AHNAK2: variants seen among roughly 807,000 people sequenced by gnomAD.
The protein encoded by AHNAK2 is AHNAK nucleoprotein 2.
Under a neutral mutation model 30.7 loss-of-function variants are expected in AHNAK2, and 18 were observed. The observed-to-expected ratio is 0.59, with a 90% CI of 0.41 to 0.87. AHNAK2 has a LOEUF of 0.87. Among genes scored for constraint, AHNAK2 ranks in the 40% least tolerant of loss-of-function variants. AHNAK2 has a pLI of 0.00. For synonymous variants in AHNAK2, 3,590 were observed against 3,073.8 expected (o/e 1.17, Z -5.56); for missense variants, 8,604 against 7,373.0 (o/e 1.17, Z -6.11).
Position 104,942,855 on chromosome 14 carries a change from A to C in AHNAK2, c.12596T>G (p.Val4199Gly). Residue 4199 changes from valine to glycine, a missense_variant, in exon 7 of 7, where the codon GTG becomes GGG. By Grantham distance (109) the Val-to-Gly change is moderately radical (BLOSUM62 -3). Transcript: ENST00000333244. ...DLEVQAGQVD[V>G]KLPEGPLPKG... ...GGGCAGGGGGCCCTCCGGGAGTTTCACGTCCACTTGGCCAGCCTGGACCTC... is the reference window on the plus strand; with the variant it reads ...GGGCAGGGGGCCCTCCGGGAGTTTCCCGTCCACTTGGCCAGCCTGGACCTC... 1 of 1,612,370 alleles carries C rather than the reference A, an allele frequency of 6.2e-7. No homozygotes were observed. The highest frequency in any genetic ancestry group is 8.5e-7 in the Non-Finnish European group (1 of 1,179,392).
Position 104,949,402 on chromosome 14 carries a change from TG to T in AHNAK2, c.6048del (p.Lys2017ArgfsTer6), listed in dbSNP as rs1898520199. 6.3e-7 allele frequency: 1 copy of T among 1,582,498 alleles called. No homozygotes were observed. Among genetic ancestry groups the T allele is most frequent in the South Asian group, 1.1e-5 (1 of 89,660 alleles). On this transcript the variant is annotated frameshift_variant, in exon 7 of 7. Transcript: ENST00000333244. LOFTEE classifies it low-confidence loss of function (END_TRUNC). Reference sequence around the variant, plus strand: ...GGGAGACTCACGTCGGCCTCCACCTTGGGTGCAGGCACATCCACCGAGGCCT... The same window carrying T: ...GGGAGACTCACGTCGGCCTCCACCTTGGTGCAGGCACATCCACCGAGGCCT... ...SIEASVDVPA[P>X]KVEADVSLPS...
In AHNAK2 at chr14:104,946,449, A is replaced by C; in HGVS notation, c.9002T>G (p.Val3001Gly). The C allele has an allele frequency of 6.2e-7, 1 of 1,612,502 alleles. No homozygotes were observed. The highest frequency in any genetic ancestry group is 8.5e-7 in the Non-Finnish European group (1 of 1,179,548). The change falls in exon 7 of 7, where the codon GTG becomes GGG. Residue 3001 changes from valine to glycine, a missense_variant. Coordinates refer to ENST00000333244, the MANE Select transcript of AHNAK2 (RefSeq NM_138420.4). Reference sequence around the variant, plus strand: ...CTCCACCTTCGGCGCAGACACATCCACCGAGACCTCAATGGACTTGCCTGG... The same window carrying C: ...CTCCACCTTCGGCGCAGACACATCCCCCGAGACCTCAATGGACTTGCCTGG... ...SAPGKSIEVS[V>G]DVSAPKVEAE... is the part of the protein sequence containing the mutation.
chr14:104,954,758 T>A lies in AHNAK2; in HGVS notation c.693A>T (p.Lys231Asn), dbSNP rs1194473396. 2 of 1,598,704 alleles carry A rather than the reference T, an allele frequency of 1.3e-6. No homozygotes were observed. Among genetic ancestry groups the A allele is most frequent in the South Asian group, 2.2e-5 (2 of 89,624 alleles). The part of the protein sequence containing the change: ...VADGCRETPT[K>N]TLEGDGDQER... ...CTTGGTCCCCATCTCCTTCCAGAGT[T>A]TTCGTGGGGGTCTCTCTGCACCCAT... Residue 231 changes from lysine to asparagine, a missense_variant, in exon 7 of 7, where the codon AAA (lysine) becomes AAT (asparagine). By Grantham distance (94) the Lys-to-Asn change is moderately conservative (BLOSUM62 0). Transcript: ENST00000333244. This position sits in a 1 kb window ranked among gnomAD's most constrained non-coding sequence, Gnocchi z 4.3.
rs1191810647 is a variant in AHNAK2 at position 104,939,648 on chromosome 14, A to G, written c.15803T>C (p.Ile5268Thr). 6.2e-7 allele frequency: 1 copy of G among 1,613,888 alleles called. No individual in the cohort carries two copies. The highest frequency in any genetic ancestry group is 8.5e-7 in the Non-Finnish European group (1 of 1,179,892). The change falls in exon 7 of 7, where the codon ATT becomes ACT. Residue 5268 changes from isoleucine (I) to threonine (T), a missense_variant. Physicochemically the swap from Ile to Thr is moderately conservative, Grantham distance 89 (BLOSUM62 -1). Transcript: ENST00000333244. ...TGTGCTGTCAAGATCACACCTTAGA[A>G]TATCTGTGGATGATTTGCTCTCAGA... ...TASESKSSTD[I>T]LRCDLDSTGL... is the part of the protein sequence containing the mutation.
At chr14:104,962,209 A>G (rs1439271722) in intron 1 of AHNAK2, among the ~76,000 whole-genome samples, 1 of 152,204 alleles carries the variant, frequency 6.6e-6, no homozygotes, top group Non-Finnish European at 1.5e-5. Context: ...CAGCCGGTGC[A>G]TGCTGCTCTC....
chr14:104,956,444 GA>G, intron 4 of AHNAK2, 143 bp downstream of exon 4: 1 of 756,154 alleles, frequency 1.3e-6, no homozygotes, highest in South Asian at 1.7e-5. Flanking sequence ...TGACAAGGGG[GA>G]CAAGAACACC....
In AHNAK2 at chr14:104,950,331, C is replaced by A. The variant is rs376413495; in HGVS notation, c.5120G>T (p.Ser1707Ile). The A allele has an allele frequency of 1.9e-6, 3 of 1,585,340 alleles. No individual in the cohort carries two copies. Among genetic ancestry groups the A allele is most frequent in the Non-Finnish European group, 2.6e-6 (3 of 1,162,518 alleles). The change falls in exon 7 of 7, where the codon AGC becomes ATC. Residue 1707 changes from serine to isoleucine, a missense_variant. Physicochemically the swap from Ser to Ile is moderately radical, Grantham distance 142 (BLOSUM62 -2). Coordinates refer to ENST00000333244, the MANE Select transcript of AHNAK2 (RefSeq NM_138420.4). ...CAGGTCGGCGGAAGGGGACTGAATG[C>A]TGAGGTCAGTGGTCTTCAGGTCCCC... ...MQGDLKTTDL[S>I]IQSPSADLEV...
Position 104,944,982 on chromosome 14 carries a change from C to G in AHNAK2, c.10469G>C (p.Arg3490Thr), listed in dbSNP as rs199872023. ...MPSFGVSAPG[R>T]SIEASLDVSA... ...CACATCCAGCGAGGCCTCGATGGAC[C>G]TGCCTGGGGCCGACACCCCGAAGGA... The change falls in exon 7 of 7, where the codon AGG becomes ACG. Residue 3490 changes from arginine (R) to threonine (T), a missense_variant. By Grantham distance (71) the Arg-to-Thr change is moderately conservative. Transcript: ENST00000333244. 37 of 1,611,226 alleles carry G rather than the reference C, an allele frequency of 2.3e-5. No homozygotes were observed. The highest frequency in any genetic ancestry group is 2.9e-5 in the Non-Finnish European group (34 of 1,178,982).
intron 1 of AHNAK2, among the ~76,000 whole-genome samples, chr14:104,969,699 C>T (rs1183230751): frequency 2.0e-5 from 3 of 152,230 alleles, no homozygotes; most frequent in South Asian, 4.1e-4. Flanking sequence ...GGGCCCAGTT[C>T]ATCTCCTTCT....
rs371090614 is a variant in AHNAK2, at chr14:104,951,984, A to G, written c.3467T>C (p.Val1156Ala). 2.8e-5 allele frequency: 45 copies of G among 1,611,960 alleles called. No homozygotes were observed. In the African/African-American group the frequency reaches 4.5e-4, roughly 16 times the overall value. The change falls in exon 7 of 7, where the codon GTG becomes GCG. Residue 1156 changes from valine (V) to alanine (A), a missense_variant. Transcript: ENST00000333244. ...EGELSLADKD[V>A]TAKDSRFKMP... is the part of the protein sequence containing the mutation. ...TTTGAACCTGCTGTCTTTGGCAGTCACATCCTTGTCGGCCAGGGACAGTTC... is the reference window on the plus strand; with the variant it reads ...TTTGAACCTGCTGTCTTTGGCAGTCGCATCCTTGTCGGCCAGGGACAGTTC...
In AHNAK2 at chr14:104,939,935, T is replaced by C. The variant is rs768981332; in HGVS notation, c.15516A>G (p.Thr5172=). 12 of 1,612,314 alleles carry C rather than the reference T, an allele frequency of 7.4e-6. No homozygotes were observed. The highest frequency in any genetic ancestry group is 1.1e-5 in the South Asian group (1 of 91,086). The part of the protein sequence containing the change: ...SCRKPDAEVL[T]VESPEEEAMT... ...TGGCTTCCTCCTCTGGGCTTTCCAC[T>C]GTGAGGACTTCAGCATCTGGTTTTC... Residue 5172 remains threonine, a synonymous_variant, in exon 7 of 7, where the codon ACA becomes ACG. Coordinates refer to ENST00000333244, the MANE Select transcript of AHNAK2 (RefSeq NM_138420.4).
Position 104,939,641 on chromosome 14 carries a change from C to T in AHNAK2, c.15810G>A (p.Arg5270=). The T allele has an allele frequency of 1.2e-6, 2 of 1,613,858 alleles. No homozygotes were observed. Among genetic ancestry groups the T allele is most frequent in the Non-Finnish European group, 1.7e-6 (2 of 1,179,900 alleles). Residue 5270 remains arginine, a synonymous_variant, in exon 7 of 7, where the codon AGG becomes AGA. Transcript: ENST00000333244. ...TCAAGCCTGTGCTGTCAAGATCACA[C>T]CTTAGAATATCTGTGGATGATTTGC... ...SESKSSTDIL[R]CDLDSTGLKL...
At chr14:104,960,407 T>C (rs975771376) in intron 1 of AHNAK2, among the ~76,000 whole-genome samples, 1 of 152,192 alleles carries the variant, frequency 6.6e-6, no homozygotes, top group Non-Finnish European at 1.5e-5. Context: ...TTACATTGCA[T>C]TAGGTATTAT....
Position 104,939,120 on chromosome 14 carries a change from G to A in AHNAK2, c.16331C>T (p.Pro5444Leu). The part of the protein sequence containing the change: ...ASILKAGAGV[P>L]GEQPVDLNLP... Reference sequence around the variant, plus strand: ...GTTAAGGTCCACAGGCTGCTCCCCAGGGACCCCAGCACCTGCCTTCAGGAT... The same window carrying A: ...GTTAAGGTCCACAGGCTGCTCCCCAAGGACCCCAGCACCTGCCTTCAGGAT... The change falls in exon 7 of 7, where the codon CCT (proline) becomes CTT (leucine). Residue 5444 changes from proline to leucine, a missense_variant. By Grantham distance (98) the Pro-to-Leu change is moderately conservative. Coordinates refer to ENST00000333244, the MANE Select transcript of AHNAK2 (RefSeq NM_138420.4). The A allele has an allele frequency of 6.2e-7, 1 of 1,607,878 alleles. No homozygotes were observed. Among genetic ancestry groups the A allele is most frequent in the Non-Finnish European group, 8.5e-7 (1 of 1,177,400 alleles).
At chr14:104,971,648 T>C (rs1476420514) in intron 1 of AHNAK2, among the ~76,000 whole-genome samples, 1 of 152,098 alleles carries the variant, frequency 6.6e-6, no homozygotes, top group Non-Finnish European at 1.5e-5. Flanking sequence ...TCCCCCACTA[T>C]CCAGAGCTCC....
At chr14:104,971,338 C>T (rs578091190) in intron 1 of AHNAK2, among the ~76,000 whole-genome samples, 7 of 152,150 alleles carry the variant, frequency 4.6e-5, no homozygotes, top group African/African-American at 9.7e-5. Flanking sequence ...TGATCTCATA[C>T]GCATGGGCTC....
Position 104,953,805 on chromosome 14 carries a change from G to A in AHNAK2, c.1646C>T (p.Ala549Val), listed in dbSNP as rs2140865670. 1 of 1,613,892 alleles carries A rather than the reference G, an allele frequency of 6.2e-7. No individual in the cohort carries two copies. Among genetic ancestry groups the A allele is most frequent in the East Asian group, 2.2e-5 (1 of 44,882 alleles). Residue 549 changes from alanine to valine, a missense_variant, in exon 7 of 7, where the codon GCA becomes GTA. By Grantham distance (64) the Ala-to-Val change is moderately conservative. Coordinates refer to ENST00000333244, the MANE Select transcript of AHNAK2 (RefSeq NM_138420.4). ...PGREPTTHAE[A>V]QGDEGDGEEG... The stretch of plus-strand genomic sequence containing the variant: ...CTCTCCATCTCCTTCATCCCCCTGT[G>A]CTTCTGCATGTGTGGTTGGTTCCCT...
Position 104,954,795 on chromosome 14 carries a change from G to C in AHNAK2, c.656C>G (p.Thr219Arg). 6.4e-7 allele frequency: 1 copy of C among 1,560,920 alleles called. No homozygotes were observed. Reference sequence around the variant, plus strand: ...CTCTCTGCACCCATCAGCAACATCCGTGTCCTGAAACATAGGGAGAGGGAA... The same window carrying C: ...CTCTCTGCACCCATCAGCAACATCCCTGTCCTGAAACATAGGGAGAGGGAA... ...HGPQGKEKED[T>R]DVADGCRETP... The change falls in exon 7 of 7, where the codon ACG becomes AGG. Residue 219 changes from threonine to arginine, a missense_variant. Transcript: ENST00000333244. The surrounding 1 kb of genome is among the most constrained non-coding windows in gnomAD (Gnocchi z 4.3).
In AHNAK2 at chr14:104,956,758, T is replaced by G; in HGVS notation, c.214-69A>C. 4 of 1,470,282 alleles carry G rather than the reference T, an allele frequency of 2.7e-6. No individual in the cohort carries two copies. The South Asian group carries it at 4.5e-5, about 17-fold the overall frequency. 91.1% of individuals were successfully genotyped at this position (1,470,282 alleles called of 1,614,324 possible). A position where few individuals can be genotyped will look rare whatever the true frequency, so the allele number is the denominator to read the frequency against. ...GGGACAGGGAGGGGCACAGGTAGGC[T>G]GGTGCCAGACCAGGAGCCCTCCCTT... is the stretch of plus-strand genomic sequence containing the variant. On this transcript the variant is annotated intron_variant, in intron 3 of 6. Coordinates refer to ENST00000333244, the MANE Select transcript of AHNAK2 (RefSeq NM_138420.4).
Sources: gnomAD v4.1 joint callset for allele counts (sites outside exome capture counted in the v4.1 genomes callset) on GRCh38, gnomAD v4.1.1 for gene constraint, Gnocchi (gnomAD v3.1) non-coding constraint, MANE v1.5 for transcripts, NCBI Gene and HGNC (gene_info 2026-07-23, HGNC 2026-07-21) for gene names.